ANKS1B: variants seen among roughly 807,000 people sequenced by gnomAD.
The protein encoded by ANKS1B is ankyrin repeat and sterile alpha motif domain-containing protein 1B.
A neutral mutation model predicts 148.3 loss-of-function variants in ANKS1B; 36 were observed. The ratio of observed to expected loss-of-function variants is 0.24; its 90% CI spans 0.19 to 0.32. The LOEUF (loss-of-function observed/expected upper bound fraction) is 0.32, where lower values mean the gene tolerates loss of function less well. Ranked by LOEUF, ANKS1B falls within the 10% of genes least tolerant of loss-of-function variation. The pLI is 1.00. For synonymous variants in ANKS1B, 542 were observed against 560.8 expected, an observed-to-expected ratio of 0.97 and a Z score of 0.47; for missense variants, 1,157 against 1,542.6, an observed-to-expected ratio of 0.75 and a Z score of 4.19.
chr12:99,470,899 T>C (rs2096231362), intron 10 of ANKS1B, among the ~76,000 whole-genome samples: 1 of 152,146 alleles, frequency 6.6e-6, no homozygotes, highest in South Asian at 2.1e-4. Context: ...TACTATATTA[T>C]TACCATATGA....
rs151037312 is a variant in ANKS1B, at chr12:98,951,271, C to T, written c.2778+101886G>A. Reference sequence around the variant, plus strand: ...ACTTTACATTAACTATGAGACATAGCGTGAAACTTTGGAAAGAGAGGGGAT... The same window carrying T: ...ACTTTACATTAACTATGAGACATAGTGTGAAACTTTGGAAAGAGAGGGGAT... On this transcript the variant is annotated intron_variant, in intron 17 of 26. Coordinates refer to ENST00000683438, the MANE Select transcript of ANKS1B (RefSeq NM_001352186.2). 1.5e-3 allele frequency among the ~76,000 whole-genome samples: 223 copies of T among 152,236 alleles called. 1 individual carries two copies. The East Asian group carries it at 0.02, about 14-fold the overall frequency.
downstream of ANKS1B, among the ~76,000 whole-genome samples, chr12:98,742,915 CTAGT>C (rs949429591): frequency 8.5e-5 from 13 of 152,326 alleles, no homozygotes; most frequent in African/African-American, 2.9e-4. Flanking sequence ...GCTGTGTTGG[CTAGT>C]TAGTTACCCA....
At chr12:99,599,773 A>G (rs2153276590) in intron 9 of ANKS1B, among the ~76,000 whole-genome samples, 1 of 152,218 alleles carries the variant, frequency 6.6e-6, no homozygotes, top group South Asian at 2.1e-4. Context: ...GGCTTTGGAC[A>G]TGCAAATCTA....
intron 17 of ANKS1B, among the ~76,000 whole-genome samples, chr12:99,016,855 C>A (rs964215328): frequency 6.6e-6 from 1 of 152,148 alleles, no homozygotes; most frequent in Non-Finnish European, 1.5e-5. Context: ...CTTGCCTCTC[C>A]CCTTGCTGGA....
At chr12:99,773,256 A>C (rs2063356762) in intron 7 of ANKS1B, among the ~76,000 whole-genome samples, 168 bp from the exon 8 acceptor site, 2 of 152,304 alleles carry the variant, frequency 1.3e-5, no homozygotes, top group South Asian at 4.1e-4. Flanking sequence ...TAGTACAACA[A>C]TATTAATGGG....
At chr12:99,361,206 G>A (rs2092433229) in intron 12 of ANKS1B, among the ~76,000 whole-genome samples, 1 of 152,000 alleles carries the variant, frequency 6.6e-6, no homozygotes, top group Non-Finnish European at 1.5e-5. Context: ...CCCATTGCAT[G>A]ACTGTATCAA....
At chr12:99,759,436 T>C (rs921015370) in intron 8 of ANKS1B, among the ~76,000 whole-genome samples, 4 of 152,006 alleles carry the variant, frequency 2.6e-5, no homozygotes, top group African/African-American at 9.7e-5. Flanking sequence ...GGTCTCCTGA[T>C]AAAATATGTT....
chr12:99,847,646 TA>T (rs1234265988), intron 1 of ANKS1B, among the ~76,000 whole-genome samples: 1 of 152,208 alleles, frequency 6.6e-6, no homozygotes, highest in Non-Finnish European at 1.5e-5. Flanking sequence ...TCATCAAACC[TA>T]AAAATAAAAA....
intron 17 of ANKS1B, among the ~76,000 whole-genome samples, chr12:98,930,670 TG>T (rs1567846321): frequency 6.7e-6 from 1 of 150,170 alleles, no homozygotes; most frequent in Non-Finnish European, 1.5e-5. Flanking sequence ...AAAAAACTAA[TG>T]AAAAAAAGAC....
chr12:98,963,988 T>G (rs1438115716), intron 17 of ANKS1B, among the ~76,000 whole-genome samples: 1 of 151,958 alleles, frequency 6.6e-6, no homozygotes, highest in Non-Finnish European at 1.5e-5. Flanking sequence ...AATCCAGATC[T>G]TCGGGAGGCT....
chr12:99,677,330 G>C (rs2098582037), intron 8 of ANKS1B, among the ~76,000 whole-genome samples: 1 of 151,684 alleles, frequency 6.6e-6, no homozygotes, highest in Non-Finnish European at 1.5e-5. Context: ...CCTCCAAACT[G>C]TTTGTTTTTT....
chr12:99,568,993 A>AG (rs1407321124), intron 9 of ANKS1B, among the ~76,000 whole-genome samples: 4 of 152,228 alleles, frequency 2.6e-5, no homozygotes, highest in Non-Finnish European at 5.9e-5. Flanking sequence ...AATCCACAAG[A>AG]GAAATCATCA....
chr12:99,152,346 C>T (rs1287954444), intron 15 of ANKS1B, among the ~76,000 whole-genome samples: 1 of 151,808 alleles, frequency 6.6e-6, no homozygotes, highest in Non-Finnish European at 1.5e-5. Context: ...ATTTGATTGG[C>T]CCATCTAAGT....
intron 17 of ANKS1B, among the ~76,000 whole-genome samples, chr12:99,010,896 CTTTTG>C (rs1440793115): frequency 2.8e-4 from 32 of 113,842 alleles, no homozygotes; most frequent in African/African-American, 7.8e-4. Context: ...CAGGTGTGAG[CTTTTG>C]TTTTTTTTTT....
Position 98,781,002 on chromosome 12 carries a change from G to C in ANKS1B, c.3441+115C>G, listed in dbSNP as rs893283555. On this transcript the variant is annotated intron_variant, in intron 24 of 26. Transcript: ENST00000683438. Reference sequence around the variant, plus strand: ...GTATATGTAGGAAGCATGAAGGTTGGGGGAAAGGGATGATTACAGTGGGGA... The same window carrying C: ...GTATATGTAGGAAGCATGAAGGTTGCGGGAAAGGGATGATTACAGTGGGGA... The C allele has an allele frequency of 6.2e-6, 4 of 643,646 alleles. No homozygotes were observed. The African/African-American group carries it at 7.3e-5, about 12-fold the overall frequency. The allele number at this position is 643,646 out of a possible 1,614,324, so 39.9% of individuals were successfully genotyped here. A position where few individuals can be genotyped will look rare whatever the true frequency, so the allele number is the denominator to read the frequency against.
chr12:99,085,077 A>T (rs2051164243), intron 15 of ANKS1B, 54 bp from the exon 16 acceptor site: 2 of 1,375,516 alleles, frequency 1.5e-6, no homozygotes, highest in Non-Finnish European at 1.0e-6. Flanking sequence ...ACTGTGGATA[A>T]ATAACAAGGA....
At chr12:98,884,632 T>C (rs2099734092) in intron 17 of ANKS1B, among the ~76,000 whole-genome samples, 2 of 151,500 alleles carry the variant, frequency 1.3e-5, no homozygotes, top group Middle Eastern at 3.4e-3. Flanking sequence ...ACCCCGTCTC[T>C]ACTAAAAATA....
At chr12:98,949,553 G>C (rs980068024) in intron 17 of ANKS1B, among the ~76,000 whole-genome samples, 2 of 152,206 alleles carry the variant, frequency 1.3e-5, no homozygotes, top group Non-Finnish European at 2.9e-5. Flanking sequence ...GTTGGAGGAG[G>C]AAGGAATGTA....
chr12:99,904,434 C>T (rs1001767630), intron 1 of ANKS1B, among the ~76,000 whole-genome samples: 4 of 152,060 alleles, frequency 2.6e-5, no homozygotes, highest in Non-Finnish European at 5.9e-5. Context: ...TCAGGTGATC[C>T]GCCTGCCTCA....
Sources: gnomAD v4.1 joint callset for allele counts (sites outside exome capture counted in the v4.1 genomes callset) on GRCh38, gnomAD v4.1.1 for gene constraint, MANE v1.5 for transcripts, NCBI Gene and HGNC (gene_info 2026-07-23, HGNC 2026-07-21) for gene names.